Variants in PARVB observed in about 807,000 individuals in gnomAD.
The protein encoded by PARVB is beta-parvin.
Under a neutral mutation model 47.0 loss-of-function variants are expected in PARVB, and 46 were observed. The observed-to-expected ratio is 0.98, with a 90% CI of 0.77 to 1.25. The LOEUF (loss-of-function observed/expected upper bound fraction) is 1.25, where lower values mean the gene tolerates loss of function less well. PARVB is among the 50% of genes most tolerant of loss of function. The pLI, the probability that PARVB is intolerant of heterozygous loss-of-function variation, is 0.00. For synonymous variants in PARVB, 196 were observed against 196.3 expected (o/e 1.00, Z 0.01); for missense variants, 473 against 471.6 (o/e 1.00, Z -0.03).
chr22:44,117,948 C>T (rs77970126), intron 3 of PARVB, among the ~76,000 whole-genome samples: 6,841 of 152,220 alleles, frequency 0.045, 197 homozygotes, highest in Non-Finnish European at 0.067. Context: ...TTGTGTTTGG[C>T]GGGAGTCCTG....
intron 2 of PARVB, among the ~76,000 whole-genome samples, chr22:44,008,527 C>T (rs2050490038): frequency 1.3e-5 from 2 of 152,066 alleles, no homozygotes; most frequent in African/African-American, 4.8e-5. Flanking sequence ...TTGAGAAAAC[C>T]ATACCATTTA....
intron 1 of PARVB, among the ~76,000 whole-genome samples, chr22:44,092,575 G>A (rs1046945770): frequency 1.3e-5 from 2 of 152,156 alleles, no homozygotes; most frequent in Non-Finnish European, 2.9e-5. Context: ...AGGTTGTGTC[G>A]TCCTGAAGGC....
At chr22:44,127,150 T>C (rs1363407137) in intron 4 of PARVB, among the ~76,000 whole-genome samples, 1 of 152,206 alleles carries the variant, frequency 6.6e-6, no homozygotes, top group Non-Finnish European at 1.5e-5. Context: ...CTTTTTCTTG[T>C]GGAGTAGCTG....
In PARVB at chr22:44,100,061, G is replaced by A. The variant is rs185023361; in HGVS notation, c.211G>A (p.Glu71Lys). 2.2e-5 allele frequency: 35 copies of A among 1,613,992 alleles called. No homozygotes were observed. In the East Asian group the frequency reaches 5.1e-4, roughly 24 times the overall value. The change falls in exon 3 of 13, where the codon GAG becomes AAG. Residue 71 changes from glutamate (E) to lysine (K), a missense_variant. Physicochemically the swap from Glu to Lys is moderately conservative, Grantham distance 56. Transcript: ENST00000338758. ...HPEDTQLEEN[E>K]ERTMIDPTSK... Reference sequence around the variant, plus strand: ...CCTTTTGTCCCTGGCAGAGGAGAACGAGGAGCGCACGATGATTGACCCCAC... The same window carrying A: ...CCTTTTGTCCCTGGCAGAGGAGAACAAGGAGCGCACGATGATTGACCCCAC...
At chr22:44,081,714 C>A in intron 1 of PARVB, 1 of 715,976 alleles carries the variant, frequency 1.4e-6, no homozygotes, top group South Asian at 6.3e-5. Context: ...CTCGGTGGGG[C>A]TCATTGTGCA....
At chr22:44,100,799 T>C (rs1217893920) in intron 3 of PARVB, among the ~76,000 whole-genome samples, 1 of 152,080 alleles carries the variant, frequency 6.6e-6, no homozygotes, top group Non-Finnish European at 1.5e-5. Context: ...ACGGTAGGGC[T>C]TGAGAGAGAA....
intron 1 of PARVB, among the ~76,000 whole-genome samples, chr22:44,059,275 G>T (rs1226683907): frequency 6.6e-6 from 1 of 151,268 alleles, no homozygotes; most frequent in Admixed American, 6.6e-5. Flanking sequence ...CGAACTCCTG[G>T]CATCAAGTGA....
intron 3 of PARVB, among the ~76,000 whole-genome samples, chr22:44,117,593 T>C (rs1569666): frequency 0.37 from 55,553 of 152,096 alleles, 10,365 homozygotes; most frequent in Middle Eastern, 0.5. Flanking sequence ...CCCTGCAAAC[T>C]GCCCTTTAAT....
intron 2 of PARVB, among the ~76,000 whole-genome samples, chr22:44,011,010 G>C (rs1239933709): frequency 6.6e-6 from 1 of 151,524 alleles, no homozygotes; most frequent in Non-Finnish European, 1.5e-5. Flanking sequence ...TCCTGCCTCA[G>C]AGACAGGGTT....
intron 1 of PARVB, among the ~76,000 whole-genome samples, chr22:44,072,873 T>C (rs886288267): frequency 3.0e-4 from 46 of 152,150 alleles, no homozygotes; most frequent in African/African-American, 1.1e-3. Flanking sequence ...GGACTGGAAC[T>C]CTCTTTCTTC....
chr22:44,089,155 C>T lies in PARVB; in HGVS notation c.113-4773C>T, dbSNP rs922283424. On this transcript the variant is annotated intron_variant, in intron 1 of 12. Coordinates refer to ENST00000338758, the MANE Select transcript of PARVB (RefSeq NM_013327.5). This position sits in a 1 kb window ranked among gnomAD's most constrained non-coding sequence, Gnocchi z 4.0. ...ATGCCCTCCTGTCTCTCTCTTCCTA[C>T]CTGGCCCCCCGTGCAGGCCACAGAG... 6.6e-6 allele frequency among the ~76,000 whole-genome samples: 1 copy of T among 152,202 alleles called. No homozygotes were observed. Among genetic ancestry groups the T allele is most frequent in the African/African-American group, 2.4e-5 (1 of 41,458 alleles).
At chr22:44,099,489 G>A (rs1163167329) in intron 2 of PARVB, among the ~76,000 whole-genome samples, 1 of 151,866 alleles carries the variant, frequency 6.6e-6, no homozygotes, top group Non-Finnish European at 1.5e-5. Context: ...AAGAGGGTGA[G>A]GCTGAACACG....
At chr22:44,099,307 G>T (rs1196657543) in intron 2 of PARVB, among the ~76,000 whole-genome samples, 3 of 152,182 alleles carry the variant, frequency 2.0e-5, no homozygotes, top group African/African-American at 7.2e-5. Flanking sequence ...TCTGTGTGGT[G>T]CTGGGCATTT....
chr22:44,131,197 A>G (rs6006669), intron 4 of PARVB, among the ~76,000 whole-genome samples: 40,091 of 147,734 alleles, frequency 0.27, 5,780 homozygotes, highest in East Asian at 0.58. Flanking sequence ...GCTTGGGTGC[A>G]ATGGCATGAT....
upstream of PARVB, among the ~76,000 whole-genome samples, chr22:44,020,936 A>G (rs956956972): frequency 1.3e-5 from 2 of 152,038 alleles, no homozygotes; most frequent in Non-Finnish European, 2.9e-5. Flanking sequence ...ATGCACCACC[A>G]TACCTGGCTA....
At chr22:44,091,712 T>C (rs1423839020) in intron 1 of PARVB, among the ~76,000 whole-genome samples, 2 of 152,252 alleles carry the variant, frequency 1.3e-5, no homozygotes, top group Non-Finnish European at 2.9e-5. Flanking sequence ...TTTTGCTTAC[T>C]CATTCATCTG....
At chr22:44,005,249 G>A (rs2050452297) in intron 2 of PARVB, among the ~76,000 whole-genome samples, 1 of 149,786 alleles carries the variant, frequency 6.7e-6, no homozygotes, top group South Asian at 2.1e-4. Context: ...ATAGGCGTGT[G>A]CCACCGTGCC....
chr22:44,149,176 T>C (rs2053749781), intron 9 of PARVB: 1 of 152,194 alleles, frequency 6.6e-6, no homozygotes, highest in African/African-American at 2.4e-5. Flanking sequence ...ATTCTCTCTG[T>C]GCATGGGCTT....
At chr22:44,024,877 C>T (rs2050703184) in intron 1 of PARVB, among the ~76,000 whole-genome samples, 1 of 152,150 alleles carries the variant, frequency 6.6e-6, no homozygotes, top group Non-Finnish European at 1.5e-5. Context: ...CTGGGTGTTG[C>T]GCGGGCGCCC....
Sources: allele counts gnomAD v4.1 joint callset (sites outside exome capture counted in the v4.1 genomes callset), GRCh38; gene constraint gnomAD v4.1.1; non-coding constraint Gnocchi (gnomAD v3.1); transcripts MANE v1.5; gene names NCBI Gene and HGNC (gene_info 2026-07-23, HGNC 2026-07-21).